Variants in FRMD4B observed in about 807,000 individuals in gnomAD.
The protein encoded by FRMD4B is FERM domain-containing protein 4B.
In FRMD4B, 74 loss-of-function variants were observed where a neutral mutation model predicts 141.5. The ratio of observed to expected loss-of-function variants is 0.52; its 90% confidence interval spans 0.43 to 0.63. The LOEUF (loss-of-function observed/expected upper bound fraction) is 0.63, where lower values mean the gene tolerates loss of function less well. Ranked by LOEUF, FRMD4B falls within the 30% of genes least tolerant of loss-of-function variation. The pLI is 0.00. For synonymous variants in FRMD4B, 506 were observed against 467.9 expected, an observed-to-expected ratio of 1.08 and a Z score of -1.05; for missense variants, 1,366 against 1,253.4, an observed-to-expected ratio of 1.09 and a Z score of -1.36.
intron 1 of FRMD4B, among the ~76,000 whole-genome samples, chr3:69,508,955 C>G (rs900916940): frequency 6.6e-6 from 1 of 152,182 alleles, no homozygotes; most frequent in Admixed American, 6.5e-5. Flanking sequence ...AATTCGAACC[C>G]ATTGTTTTAA....
chr3:69,533,654 G>T (rs1272273130), intron 1 of FRMD4B, among the ~76,000 whole-genome samples: 1 of 152,084 alleles, frequency 6.6e-6, no homozygotes, highest in Non-Finnish European at 1.5e-5. Context: ...TCTCCACTTT[G>T]GCCTTTTTTG....
rs750455183 is a variant in FRMD4B, at chr3:69,187,809, G to A, written c.1880C>T (p.Ser627Leu). Residue 627 changes from serine (S) to leucine (L), a missense_variant, in exon 19 of 23, where the codon TCG becomes TTG. Transcript: ENST00000398540. Reference protein sequence around the residue: ...LGIERIHFRKSSINEQFVDTR... With the variant: ...LGIERIHFRKLSINEQFVDTR... ...ATCCACAAACTGTTCATTGATGGAC[G>A]ACTTTCTGAAATGGATTCGCTCAAT... The A allele has an allele frequency of 2.1e-5, 34 of 1,611,750 alleles. No individual in the cohort carries two copies. Among genetic ancestry groups the A allele is most frequent in the Non-Finnish European group, 2.6e-5 (31 of 1,178,452 alleles).
At chr3:69,255,016 G>C (rs554885742) in intron 5 of FRMD4B, among the ~76,000 whole-genome samples, 1 of 152,136 alleles carries the variant, frequency 6.6e-6, no homozygotes, top group Admixed American at 6.5e-5. Context: ...CTGAAGAATC[G>C]TAACAACTAA....
At chr3:69,449,037 C>T (rs1422602206) in intron 1 of FRMD4B, among the ~76,000 whole-genome samples, 1 of 152,074 alleles carries the variant, frequency 6.6e-6, no homozygotes, top group Non-Finnish European at 1.5e-5. Flanking sequence ...TATGTAGCCT[C>T]GTAAAACTGT....
intron 1 of FRMD4B, among the ~76,000 whole-genome samples, chr3:69,314,147 A>C (rs1313685931): frequency 2.9e-4 from 30 of 102,728 alleles, no homozygotes; most frequent in Non-Finnish European, 5.1e-4. Flanking sequence ...TCAAAAAAAA[A>C]AAAAAAAAAA....
At chr3:69,259,504 T>C (rs2093512944) in intron 5 of FRMD4B, among the ~76,000 whole-genome samples, 1 of 152,216 alleles carries the variant, frequency 6.6e-6, no homozygotes, top group Non-Finnish European at 1.5e-5. Context: ...AAAGACTCTC[T>C]TAATGTTATT....
At chr3:69,417,622 T>C (rs1704891912) in intron 2 of FRMD4B, among the ~76,000 whole-genome samples, 1 of 152,258 alleles carries the variant, frequency 6.6e-6, no homozygotes, top group African/African-American at 2.4e-5. Context: ...TCTTTGCCCA[T>C]GATTGTGTCC....
intron 1 of FRMD4B, among the ~76,000 whole-genome samples, chr3:69,499,871 T>C (rs1171377722): frequency 6.6e-6 from 1 of 152,186 alleles, no homozygotes; most frequent in Non-Finnish European, 1.5e-5. Flanking sequence ...AGTCTAACAA[T>C]ACTGGCCTCT....
intron 7 of FRMD4B, among the ~76,000 whole-genome samples, chr3:69,247,140 G>A (rs1023242548): frequency 1.3e-5 from 2 of 152,124 alleles, no homozygotes; most frequent in African/African-American, 2.4e-5. Flanking sequence ...AATAGCCCAA[G>A]GGTGTAGATT....
chr3:69,388,431 G>C (rs1452437425), upstream of FRMD4B, among the ~76,000 whole-genome samples: 1 of 152,120 alleles, frequency 6.6e-6, no homozygotes, highest in East Asian at 1.9e-4. Context: ...GGCAGCCCTG[G>C]AATCAGAAAT....
At chr3:69,226,606 T>C (rs2093256961) in intron 7 of FRMD4B, among the ~76,000 whole-genome samples, 1 of 152,178 alleles carries the variant, frequency 6.6e-6, no homozygotes, top group Non-Finnish European at 1.5e-5. Flanking sequence ...AGGTGAACCA[T>C]AGGCTATGTT....
chr3:69,182,850 C>G (rs562925092), intron 19 of FRMD4B, 133 bp from the exon 20 acceptor site: 4 of 804,008 alleles, frequency 5.0e-6, no homozygotes, highest in Non-Finnish European at 7.9e-6. Flanking sequence ...GGAAGAGTGT[C>G]TTTGTGGTTC....
chr3:69,505,936 T>G (rs2133343), intron 1 of FRMD4B, among the ~76,000 whole-genome samples: 43,666 of 152,052 alleles, frequency 0.29, 6,470 homozygotes, highest in African/African-American at 0.32. Flanking sequence ...ACAAATAGAA[T>G]GGTCTCTGCA....
chr3:69,327,977 C>A (rs1172272388), intron 1 of FRMD4B, among the ~76,000 whole-genome samples: 2 of 151,678 alleles, frequency 1.3e-5, no homozygotes, highest in African/African-American at 4.8e-5. Flanking sequence ...ACGATTAAAA[C>A]AAAACAACAA....
At chr3:69,260,306 C>G (rs1361211405) in intron 5 of FRMD4B, among the ~76,000 whole-genome samples, 1 of 152,210 alleles carries the variant, frequency 6.6e-6, no homozygotes, top group South Asian at 2.1e-4. Flanking sequence ...GCACCGTGTT[C>G]GCGAGTTGGC....
chr3:69,432,540 T>C (rs1705197885), intron 2 of FRMD4B: 1 of 152,088 alleles, frequency 6.6e-6, no homozygotes, highest in Non-Finnish European at 1.5e-5. Context: ...GCTTGACAAG[T>C]CAATGTGTAC....
At chr3:69,487,180 G>A (rs1028854920) in intron 1 of FRMD4B, among the ~76,000 whole-genome samples, 3 of 152,190 alleles carry the variant, frequency 2.0e-5, no homozygotes, top group Admixed American at 1.3e-4. Context: ...GAAATACTGT[G>A]CTGGAGCAGT....
chr3:69,371,372 C>G (rs1381887674), intron 1 of FRMD4B, among the ~76,000 whole-genome samples: 1 of 152,066 alleles, frequency 6.6e-6, no homozygotes, highest in African/African-American at 2.4e-5. Context: ...TTGGGAGGAG[C>G]CTAGGTAGAA....
At chr3:69,186,393 G>C (rs1489435816) in intron 19 of FRMD4B, among the ~76,000 whole-genome samples, 1 of 151,614 alleles carries the variant, frequency 6.6e-6, no homozygotes, top group Non-Finnish European at 1.5e-5. Context: ...CTACAGGTAG[G>C]CAACACCATG....
Sources: allele counts gnomAD v4.1 joint callset (sites outside exome capture counted in the v4.1 genomes callset), GRCh38; gene constraint gnomAD v4.1.1; transcripts MANE v1.5; gene names NCBI Gene and HGNC (gene_info 2026-07-23, HGNC 2026-07-21).